Variants in FAR2 observed in about 807,000 individuals in gnomAD.
FAR2 encodes the protein epididymis secretory protein Li 81.
Under a neutral mutation model 56.0 loss-of-function variants are expected in FAR2, and 19 were observed. The observed-to-expected ratio is 0.34, with a 90% CI of 0.24 to 0.50. The LOEUF is 0.50. Ranked by LOEUF, FAR2 falls within the 20% of genes least tolerant of loss-of-function variation. The pLI is 0.98. For missense variants in FAR2, 508 were observed against 642.2 expected (o/e 0.79, Z 2.26); for synonymous variants, 219 against 218.8 (o/e 1.00, Z -0.01).
intron 2 of FAR2, among the ~76,000 whole-genome samples, chr12:29,279,081 G>A (rs1948746272): frequency 6.6e-6 from 1 of 152,194 alleles, no homozygotes; most frequent in Non-Finnish European, 1.5e-5. Flanking sequence ...TAACCCATAT[G>A]TCAGCTTGGG....
At chr12:29,255,461 C>T (rs915243731) in intron 1 of FAR2, among the ~76,000 whole-genome samples, 2 of 152,136 alleles carry the variant, frequency 1.3e-5, no homozygotes, top group Non-Finnish European at 2.9e-5. Context: ...CAGTTAAGCC[C>T]ATGACAATGT....
At chr12:29,302,933 G>T (rs565285387) in intron 4 of FAR2, among the ~76,000 whole-genome samples, 2 of 152,012 alleles carry the variant, frequency 1.3e-5, no homozygotes, top group African/African-American at 4.8e-5. Context: ...TTGCATATGG[G>T]GTTGCACCTA....
chr12:29,327,249 AAAG>A (rs1949664082), intron 10 of FAR2, among the ~76,000 whole-genome samples: 1 of 152,238 alleles, frequency 6.6e-6, no homozygotes, highest in African/African-American at 2.4e-5. Context: ...CAATGAAATA[AAAG>A]AAGATACAAA....
intron 2 of FAR2, among the ~76,000 whole-genome samples, chr12:29,274,738 A>G (rs1375480681): frequency 6.6e-6 from 1 of 151,226 alleles, no homozygotes; most frequent in Non-Finnish European, 1.5e-5. Flanking sequence ...CTGGCTCAAA[A>G]TCTCCGCCAC....
At chr12:29,247,774 T>G (rs189655557) in intron 1 of FAR2, among the ~76,000 whole-genome samples, 37 of 152,306 alleles carry the variant, frequency 2.4e-4, no homozygotes, top group Admixed American at 2.2e-3. Context: ...CCCATAGGAG[T>G]GGCAGAAGAA....
At chr12:29,164,605 A>C (rs1949809850) in intron 1 of FAR2, among the ~76,000 whole-genome samples, 1 of 152,138 alleles carries the variant, frequency 6.6e-6, no homozygotes, top group African/African-American at 2.4e-5. Flanking sequence ...GAAAAGGAGA[A>C]GGGCATATCT....
chr12:29,260,142 A>G (rs1281260913), intron 1 of FAR2, among the ~76,000 whole-genome samples: 5 of 152,228 alleles, frequency 3.3e-5, no homozygotes. Flanking sequence ...ACAAAGTTGT[A>G]ACATATGAAA....
chr12:29,198,349 C>T (rs1175995816), intron 1 of FAR2, among the ~76,000 whole-genome samples: 3 of 152,272 alleles, frequency 2.0e-5, no homozygotes, highest in Admixed American at 6.5e-5. Flanking sequence ...CTGCCTCAGC[C>T]TCCGGAGTAG....
At chr12:29,218,131 A>T (rs1159655496) in intron 1 of FAR2, among the ~76,000 whole-genome samples, 1 of 152,036 alleles carries the variant, frequency 6.6e-6, no homozygotes, top group African/African-American at 2.4e-5. Context: ...CCAAGGCGGG[A>T]GGATCACAAG....
At chr12:29,174,533 G>T (rs1447217821) in intron 1 of FAR2, among the ~76,000 whole-genome samples, 3 of 132,382 alleles carry the variant, frequency 2.3e-5, no homozygotes. Context: ...CCATTCTCCT[G>T]TCTCAGCCTC....
intron 2 of FAR2, 133 bp downstream of exon 2, chr12:29,270,771 C>T: frequency 1.5e-6 from 1 of 686,844 alleles, no homozygotes; most frequent in Non-Finnish European, 2.2e-6. Flanking sequence ...GCAGACAAAA[C>T]AAGACAGCAA....
At chr12:29,283,262 T>C (rs1172344936) in intron 2 of FAR2, among the ~76,000 whole-genome samples, 4 of 152,212 alleles carry the variant, frequency 2.6e-5, no homozygotes, top group African/African-American at 9.6e-5. Context: ...CAGTATAATC[T>C]CAACTATTAG....
chr12:29,308,309 C>T (rs1452182262), intron 5 of FAR2, among the ~76,000 whole-genome samples: 2 of 152,146 alleles, frequency 1.3e-5, no homozygotes, highest in Non-Finnish European at 2.9e-5. Context: ...ATACCATCTT[C>T]TTGAAAGCAA....
At chr12:29,169,099 C>A (rs1949860986) in intron 1 of FAR2, among the ~76,000 whole-genome samples, 1 of 152,174 alleles carries the variant, frequency 6.6e-6, no homozygotes, top group Admixed American at 6.5e-5. Flanking sequence ...TTCCAATCCT[C>A]TAGCTAGACA....
At chr12:29,287,451 ATTTGTG>A (rs908758956) in intron 2 of FAR2, among the ~76,000 whole-genome samples, 13 of 152,102 alleles carry the variant, frequency 8.5e-5, no homozygotes, top group Middle Eastern at 3.2e-3. Flanking sequence ...TAACGAACTT[ATTTGTG>A]TTTGTTTTCA....
intron 1 of FAR2, among the ~76,000 whole-genome samples, chr12:29,194,033 A>G (rs147959199): frequency 3.3e-5 from 5 of 152,288 alleles, no homozygotes; most frequent in East Asian, 1.9e-4. Context: ...AAGTTATAAT[A>G]CAAAATCTTG....
chr12:29,251,027 A>G (rs1470114475), intron 1 of FAR2, among the ~76,000 whole-genome samples: 1 of 152,218 alleles, frequency 6.6e-6, no homozygotes, highest in Non-Finnish European at 1.5e-5. Flanking sequence ...GCAGAGTCAA[A>G]ACAGCAATCA....
At chr12:29,245,735 C>G (rs770391210) in intron 1 of FAR2, among the ~76,000 whole-genome samples, 8 of 152,124 alleles carry the variant, frequency 5.3e-5, no homozygotes, top group African/African-American at 7.2e-5. Context: ...GGATTTCCAT[C>G]TTCTGTTGTC....
intron 1 of FAR2, among the ~76,000 whole-genome samples, chr12:29,232,500 AC>A (rs1415365357): frequency 6.6e-6 from 1 of 151,998 alleles, no homozygotes; most frequent in Non-Finnish European, 1.5e-5. Context: ...CCTTACCTTA[AC>A]TGAAAATTGA....
Sources: allele counts gnomAD v4.1 joint callset (sites outside exome capture counted in the v4.1 genomes callset), GRCh38; gene constraint gnomAD v4.1.1; transcripts MANE v1.5; gene names NCBI Gene and HGNC (gene_info 2026-07-23, HGNC 2026-07-21).